CACNA2D3: variants seen among roughly 807,000 people sequenced by gnomAD.
CACNA2D3 encodes voltage-dependent calcium channel subunit alpha-2/delta-3.
In CACNA2D3, 60 loss-of-function variants were observed where a neutral mutation model predicts 160.6. The observed-to-expected ratio is 0.37, with a 90% CI of 0.30 to 0.46. CACNA2D3 has a LOEUF of 0.46. CACNA2D3 is among the 20% of genes least tolerant of loss of function. The pLI is 1.00. For synonymous variants in CACNA2D3, 558 were observed against 492.9 expected (o/e 1.13, Z -1.75); for missense variants, 1,205 against 1,365.0 (o/e 0.88, Z 1.85).
At chr3:55,040,484 C>T (rs1703934248) in intron 35 of CACNA2D3, among the ~76,000 whole-genome samples, 1 of 151,986 alleles carries the variant, frequency 6.6e-6, no homozygotes, top group Admixed American at 6.6e-5. Context: ...TATTTTTAGG[C>T]TAAATCACAA....
At chr3:55,008,038 C>T (rs571554035) in intron 33 of CACNA2D3, among the ~76,000 whole-genome samples, 196 bp downstream of exon 33, 53 of 152,316 alleles carry the variant, frequency 3.5e-4, no homozygotes, top group African/African-American at 1.3e-3. Context: ...CTGTTGATCA[C>T]TCCTTATGCT....
At position 54,317,954 on chromosome 3, in the gene CACNA2D3, C is replaced by A. The variant is rs186640184; in HGVS notation, c.205-2488C>A. On this transcript the variant is annotated intron_variant, in intron 2 of 37. Transcript: ENST00000474759. Reference sequence around the variant, plus strand: ...CATAACCTTATTATCTCTTATTAGGCCCCATCTCCCAGTACTACTGTATTG... The same window carrying A: ...CATAACCTTATTATCTCTTATTAGGACCCATCTCCCAGTACTACTGTATTG... Among the ~76,000 whole-genome samples, 227 of 152,292 alleles carry A rather than the reference C, an allele frequency of 1.5e-3. 1 individual carries two copies. The highest frequency in any genetic ancestry group is 5.3e-3 in the African/African-American group (219 of 41,558).
chr3:54,355,136 G>A (rs1174390988), intron 3 of CACNA2D3, among the ~76,000 whole-genome samples: 1 of 152,222 alleles, frequency 6.6e-6, no homozygotes, highest in Admixed American at 6.5e-5. Flanking sequence ...TTTAGAGTGG[G>A]AGATCAGGGG....
chr3:54,589,265 G>C (rs7645766), intron 9 of CACNA2D3, among the ~76,000 whole-genome samples: 5 of 152,020 alleles, frequency 3.3e-5, no homozygotes, highest in Middle Eastern at 3.2e-3. Context: ...GAAACAATTC[G>C]ATGGAGGAAG....
chr3:54,909,000 C>G (rs1017259420), intron 27 of CACNA2D3, among the ~76,000 whole-genome samples: 29 of 152,182 alleles, frequency 1.9e-4, no homozygotes, highest in African/African-American at 7.0e-4. Context: ...TGTTCACTCA[C>G]CTATTTAAAC....
intron 29 of CACNA2D3, among the ~76,000 whole-genome samples, chr3:54,972,357 A>T (rs1346609517): frequency 2.0e-5 from 3 of 152,180 alleles, no homozygotes; most frequent in African/African-American, 7.2e-5. Context: ...CAACCAATTG[A>T]CACTGTTTTA....
At chr3:54,399,859 C>T (rs1199655559) in intron 4 of CACNA2D3, among the ~76,000 whole-genome samples, 4 of 125,714 alleles carry the variant, frequency 3.2e-5, no homozygotes, top group Non-Finnish European at 6.8e-5. Flanking sequence ...GTTCGAGCTT[C>T]CCAGCAAGCC....
intron 8 of CACNA2D3, among the ~76,000 whole-genome samples, chr3:54,579,866 T>C (rs1350314941): frequency 3.3e-5 from 5 of 152,244 alleles, no homozygotes; most frequent in Non-Finnish European, 7.3e-5. Context: ...ATATATTTTT[T>C]CTCCATGCCT....
intron 11 of CACNA2D3, among the ~76,000 whole-genome samples, chr3:54,678,675 C>T (rs75323760): frequency 3.4e-5 from 4 of 117,894 alleles, no homozygotes; most frequent in Middle Eastern, 7.7e-3. Context: ...GAGCCGAGAT[C>T]GTGCAATTGC....
intron 4 of CACNA2D3, among the ~76,000 whole-genome samples, chr3:54,405,384 T>G (rs1343905206): frequency 6.6e-6 from 1 of 151,568 alleles, no homozygotes; most frequent in Non-Finnish European, 1.5e-5. Context: ...CATAGACTTG[T>G]AGAATAGGAT....
At chr3:54,650,201 T>TCTTGTTTGTTTG (rs1699734011) in intron 11 of CACNA2D3, among the ~76,000 whole-genome samples, 1 of 151,068 alleles carries the variant, frequency 6.6e-6, no homozygotes. Context: ...TGTTTTTTGT[T>TCTTGTTTGTTTG]TTTGTTTGTT....
chr3:54,509,642 C>G (rs749136959), intron 5 of CACNA2D3, among the ~76,000 whole-genome samples: 2 of 152,086 alleles, frequency 1.3e-5, no homozygotes, highest in Non-Finnish European at 2.9e-5. Flanking sequence ...GAAACTTTCC[C>G]AAGATGTAGT....
Position 54,984,207 on chromosome 3 carries a change from C to T in CACNA2D3, c.2557-401C>T, listed in dbSNP as rs557876977. Among the ~76,000 whole-genome samples, 179 of 152,096 alleles carry T rather than the reference C, an allele frequency of 1.2e-3. 1 individual carries two copies. The highest frequency in any genetic ancestry group is 4.0e-3 in the African/African-American group (166 of 41,482). ...CATTAGAGTAATGACATTGTGCTGG[C>T]GTTTTGCTTTCAAAACAGCCTGCAC... On this transcript the variant is annotated intron_variant, in intron 29 of 37. Transcript: ENST00000474759.
intron 27 of CACNA2D3, among the ~76,000 whole-genome samples, chr3:54,917,590 C>T (rs1700693286): frequency 6.6e-6 from 1 of 152,214 alleles, no homozygotes; most frequent in Admixed American, 6.5e-5. Context: ...GCTATGTATG[C>T]AGATACAGAT....
At chr3:54,464,933 C>G (rs967259750) in intron 4 of CACNA2D3, among the ~76,000 whole-genome samples, 2 of 152,148 alleles carry the variant, frequency 1.3e-5, no homozygotes, top group Non-Finnish European at 1.5e-5. Context: ...AATACATTTT[C>G]TATGCCTTTT....
chr3:54,786,210 T>C (rs1176331689), intron 13 of CACNA2D3, among the ~76,000 whole-genome samples: 1 of 152,340 alleles, frequency 6.6e-6, no homozygotes, highest in East Asian at 1.9e-4. Flanking sequence ...AAATTATGCG[T>C]GGTAACTCTA....
At chr3:54,953,099 T>C (rs973347294) in intron 27 of CACNA2D3, among the ~76,000 whole-genome samples, 1 of 152,246 alleles carries the variant, frequency 6.6e-6, no homozygotes, top group Non-Finnish European at 1.5e-5. Flanking sequence ...GTATTTAATG[T>C]ACATACCTGT....
chr3:54,536,678 C>A (rs958594755), intron 5 of CACNA2D3, among the ~76,000 whole-genome samples: 3 of 152,192 alleles, frequency 2.0e-5, no homozygotes, highest in Non-Finnish European at 2.9e-5. Context: ...AGCCAGCAGG[C>A]CCCAAAAGCA....
intron 2 of CACNA2D3, among the ~76,000 whole-genome samples, chr3:54,234,118 C>T (rs1488336603): frequency 6.6e-6 from 1 of 152,034 alleles, no homozygotes; most frequent in Non-Finnish European, 1.5e-5. Flanking sequence ...TTGCATCTGA[C>T]AAAAGTCTAA....
Sources: gnomAD v4.1 joint callset for allele counts (sites outside exome capture counted in the v4.1 genomes callset) on GRCh38, gnomAD v4.1.1 for gene constraint, MANE v1.5 for transcripts, NCBI Gene and HGNC (gene_info 2026-07-23, HGNC 2026-07-21) for gene names.